PIEZO2: variants seen among roughly 807,000 people sequenced by gnomAD.
PIEZO2 encodes the protein piezo type mechanosensitive ion channel component 2, also known as piezo-type mechanosensitive ion channel component 2.
In PIEZO2, 172 loss-of-function variants were observed where a neutral mutation model predicts 337.3. The ratio of observed to expected loss-of-function variants is 0.51; its 90% CI spans 0.45 to 0.58. PIEZO2 has a LOEUF of 0.58. Ranked by LOEUF, PIEZO2 falls within the 20% of genes least tolerant of loss-of-function variation. PIEZO2 has a pLI of 0.00. For missense variants in PIEZO2, 3,028 were observed against 3,391.3 expected, an observed-to-expected ratio of 0.89 and a Z score of 2.66; for synonymous variants, 1,251 against 1,228.5, an observed-to-expected ratio of 1.02 and a Z score of -0.38.
In PIEZO2 at chr18:10,677,883, GA is replaced by G. The variant is rs5823112; in HGVS notation, c.7953-9del. On this transcript the variant is annotated splice_polypyrimidine_tract_variant and intron_variant, in intron 52 of 55. Transcript: ENST00000674853. This position sits in a 1 kb window ranked among gnomAD's most constrained non-coding sequence, Gnocchi z 4.1. The stretch of plus-strand genomic sequence containing the variant: ...GCACCCAGACTTAAGTTTCTGTGAA[GA>G]AAAAAAAAAAGCTTAATGTCAGTGA... 0.53 allele frequency: 711,200 copies of G among 1,350,998 alleles called. 154,048 individuals are homozygous for G. The highest frequency in any genetic ancestry group is 0.61 in the East Asian group (23,221 of 38,314). 83.7% of individuals were successfully genotyped at this position (1,350,998 alleles called of 1,614,324 possible).
intron 23 of PIEZO2, among the ~76,000 whole-genome samples, chr18:10,762,071 C>T (rs2038158984): frequency 6.6e-6 from 1 of 152,194 alleles, no homozygotes; most frequent in African/African-American, 2.4e-5. Flanking sequence ...ATATCCGCTT[C>T]TCAGAAATAA....
At chr18:10,690,563 A>G (rs556579703) in intron 48 of PIEZO2, among the ~76,000 whole-genome samples, 1 of 152,072 alleles carries the variant, frequency 6.6e-6, no homozygotes, top group Admixed American at 6.5e-5. Flanking sequence ...ATGAAACACG[A>G]CCCCACACAC....
intron 3 of PIEZO2, among the ~76,000 whole-genome samples, chr18:10,968,043 T>G (rs372811083): frequency 5.3e-5 from 8 of 152,106 alleles, no homozygotes; most frequent in Non-Finnish European, 7.4e-5. Context: ...GCTAGAAGGG[T>G]TTTTCCAATG....
At chr18:10,774,697 T>C (rs2038726192) in intron 18 of PIEZO2, among the ~76,000 whole-genome samples, 1 of 152,190 alleles carries the variant, frequency 6.6e-6, no homozygotes, top group South Asian at 2.1e-4. Flanking sequence ...TAAAAGCATA[T>C]CTTTTTATTC....
intron 2 of PIEZO2, among the ~76,000 whole-genome samples, chr18:11,015,377 C>T (rs768094256): frequency 5.3e-5 from 8 of 152,194 alleles, no homozygotes; most frequent in Non-Finnish European, 1.0e-4. Flanking sequence ...TCTTCCTTCT[C>T]TGTGTGCTTC....
At position 10,713,188 on chromosome 18, in the gene PIEZO2, G is replaced by A. The variant is rs1298101630; in HGVS notation, c.5423+1576C>T. 6.6e-6 allele frequency among the ~76,000 whole-genome samples: 1 copy of A among 152,002 alleles called. No homozygotes were observed. The highest frequency in any genetic ancestry group is 1.5e-5 in the Non-Finnish European group (1 of 68,016). On this transcript the variant is annotated intron_variant, in intron 39 of 55. Transcript: ENST00000674853. This position sits in a 1 kb window ranked among gnomAD's most constrained non-coding sequence, Gnocchi z 4.5. ...AAACTTGGATTTTTACTAAATATAT[G>A]TATATATTTTACTGTGTATATATAT...
chr18:11,031,334 C>T lies in PIEZO2; in HGVS notation c.160+34793G>A, dbSNP rs1048509597. Among the ~76,000 whole-genome samples, 9 of 152,014 alleles carry T rather than the reference C, an allele frequency of 5.9e-5. No individual in the cohort carries two copies. In the South Asian group the frequency reaches 1.0e-3, roughly 18 times the overall value. On this transcript the variant is annotated intron_variant, in intron 2 of 55. Coordinates refer to ENST00000674853, the MANE Select transcript of PIEZO2 (RefSeq NM_001378183.1). The surrounding 1 kb of genome is among the most constrained non-coding windows in gnomAD (Gnocchi z 4.7). The stretch of plus-strand genomic sequence containing the variant: ...TTTTAATAAGCCCATCAGGACCTTT[C>T]ATAACCTTACAGTTGTCTCCCCAGA...
At chr18:10,814,875 G>A (rs1338643146) in intron 7 of PIEZO2, among the ~76,000 whole-genome samples, 1 of 152,212 alleles carries the variant, frequency 6.6e-6, no homozygotes, top group Non-Finnish European at 1.5e-5. Context: ...TTGAAAGGGG[G>A]AGGAAGCTGC....
intron 7 of PIEZO2, among the ~76,000 whole-genome samples, chr18:10,840,879 A>C (rs2041168663): frequency 6.6e-6 from 1 of 152,140 alleles, no homozygotes; most frequent in South Asian, 2.1e-4. Flanking sequence ...GTGAATTTTA[A>C]TTGAGTGTTC....
rs2038758486 is a variant in PIEZO2, at chr18:10,775,689, G to T, written c.2535-1651C>A. On this transcript the variant is annotated intron_variant, in intron 18 of 55. Coordinates refer to ENST00000674853, the MANE Select transcript of PIEZO2 (RefSeq NM_001378183.1). The surrounding 1 kb of genome is among the most constrained non-coding windows in gnomAD (Gnocchi z 4.3). Reference sequence around the variant, plus strand: ...TGCCACAGGCAGGGTGCATTGAGGAGAGATCGTTCAATGAAAGAATCAGAG... The same window carrying T: ...TGCCACAGGCAGGGTGCATTGAGGATAGATCGTTCAATGAAAGAATCAGAG... Among the ~76,000 whole-genome samples, 2 of 152,336 alleles carry T rather than the reference G, an allele frequency of 1.3e-5. No homozygotes were observed. The highest frequency in any genetic ancestry group is 3.4e-3 in the Middle Eastern group (1 of 294).
At position 10,789,384 on chromosome 18, in the gene PIEZO2, G is replaced by A; in HGVS notation, c.1883-19C>T. ...TCCTCATCTTCAAATAGAAAACTGT[G>A]CTGTTATACTTAGCTGGTTATCTGT... On this transcript the variant is annotated intron_variant, in intron 14 of 55. Coordinates refer to ENST00000674853, the MANE Select transcript of PIEZO2 (RefSeq NM_001378183.1). The A allele has an allele frequency of 6.5e-7, 1 of 1,527,510 alleles. No homozygotes were observed. The highest frequency in any genetic ancestry group is 1.4e-5 in the African/African-American group (1 of 72,796). The allele number at this position is 1,527,510 out of a possible 1,614,324, so 94.6% of individuals were successfully genotyped here.
intron 3 of PIEZO2, among the ~76,000 whole-genome samples, chr18:10,928,502 T>A (rs1403127368): frequency 6.6e-6 from 1 of 152,232 alleles, no homozygotes; most frequent in African/African-American, 2.4e-5. Context: ...CAGAGTTTCA[T>A]CCTTTTTTAA....
At position 11,001,465 on chromosome 18, in the gene PIEZO2, C is replaced by T. The variant is rs1307727168; in HGVS notation, c.161-21805G>A. Reference sequence around the variant, plus strand: ...TTTGACCCTGCTAGAGATGACTTCACTGTCAGACAGTGAAAATCACGACTG... The same window carrying T: ...TTTGACCCTGCTAGAGATGACTTCATTGTCAGACAGTGAAAATCACGACTG... On this transcript the variant is annotated intron_variant, in intron 2 of 55. Transcript: ENST00000674853. This position sits in a 1 kb window ranked among gnomAD's most constrained non-coding sequence, Gnocchi z 5.3. 2.0e-5 allele frequency among the ~76,000 whole-genome samples: 3 copies of T among 152,180 alleles called. No homozygotes were observed. Among genetic ancestry groups the T allele is most frequent in the Non-Finnish European group, 4.4e-5 (3 of 68,042 alleles).
In PIEZO2 at chr18:10,828,863, A is replaced by G. The variant is rs1483821424; in HGVS notation, c.918-21589T>C. Among the ~76,000 whole-genome samples, 3 of 152,252 alleles carry G rather than the reference A, an allele frequency of 2.0e-5. No homozygotes were observed. Among genetic ancestry groups the G allele is most frequent in the South Asian group, 2.1e-4 (1 of 4,822 alleles). On this transcript the variant is annotated intron_variant, in intron 7 of 55. Transcript: ENST00000674853. The surrounding 1 kb of genome is among the most constrained non-coding windows in gnomAD (Gnocchi z 4.1). ...CTTGATGATTGCATGAGTTCAATGT[A>G]TGCTGAGATTAACAACAGAGACAGT...
At chr18:10,790,320 T>C (rs969339832) in intron 14 of PIEZO2, among the ~76,000 whole-genome samples, 1 of 152,222 alleles carries the variant, frequency 6.6e-6, no homozygotes, top group African/African-American at 2.4e-5. Context: ...TGGTTTAATC[T>C]GAAGGTGACC....
intron 36 of PIEZO2, among the ~76,000 whole-genome samples, chr18:10,720,234 G>GCGTGTATATATATATATA (rs1555631512): frequency 1.7e-5 from 2 of 119,920 alleles, no homozygotes; most frequent in African/African-American, 6.7e-5. Context: ...GTGTGTGTGT[G>GCGTGTATATATATATATA]TATATATATA....
rs1363437744 is a variant in PIEZO2 at position 10,888,618 on chromosome 18, T to G, written c.330-17203A>C. On this transcript the variant is annotated intron_variant, in intron 4 of 55. Coordinates refer to ENST00000674853, the MANE Select transcript of PIEZO2 (RefSeq NM_001378183.1). The surrounding 1 kb of genome is among the most constrained non-coding windows in gnomAD (Gnocchi z 4.1). ...TTCCATATCTTCTTGTGTATCTGTG[T>G]TTTTAAAACCCACGTGTTCATTCTG... Among the ~76,000 whole-genome samples the G allele has an allele frequency of 1.3e-5, 2 of 152,072 alleles. No homozygotes were observed. The highest frequency in any genetic ancestry group is 2.9e-5 in the Non-Finnish European group (2 of 67,996).
chr18:10,980,539 C>T lies in PIEZO2; in HGVS notation c.161-879G>A, dbSNP rs1261242287. ...GGTCAATGCCATAAGATAAGAGATA[C>T]AATGAAGATTGTTAACTAGACTTAT... On this transcript the variant is annotated intron_variant, in intron 2 of 55. Coordinates refer to ENST00000674853, the MANE Select transcript of PIEZO2 (RefSeq NM_001378183.1). This position sits in a 1 kb window ranked among gnomAD's most constrained non-coding sequence, Gnocchi z 4.8. 6.6e-6 allele frequency among the ~76,000 whole-genome samples: 1 copy of T among 152,172 alleles called. No homozygotes were observed. The highest frequency in any genetic ancestry group is 2.1e-4 in the South Asian group (1 of 4,820).
intron 14 of PIEZO2, among the ~76,000 whole-genome samples, chr18:10,789,592 C>T (rs1356209451): frequency 1.3e-5 from 2 of 152,112 alleles, no homozygotes; most frequent in Non-Finnish European, 2.9e-5. Flanking sequence ...TTTGGTAACA[C>T]TAATTTATAT....
Sources: gnomAD v4.1 joint callset for allele counts (sites outside exome capture counted in the v4.1 genomes callset) on GRCh38, gnomAD v4.1.1 for gene constraint, Gnocchi (gnomAD v3.1) non-coding constraint, MANE v1.5 for transcripts, NCBI Gene and HGNC (gene_info 2026-07-23, HGNC 2026-07-21) for gene names.